CCNI: variants seen among roughly 807,000 people sequenced by gnomAD.
CCNI encodes cyclin I, also known as cyclin-I.
A neutral mutation model predicts 34.1 loss-of-function variants in CCNI; 14 were observed. The observed-to-expected ratio is 0.41, with a 90% confidence interval of 0.27 to 0.64. The LOEUF is 0.64. Ranked by LOEUF, CCNI falls within the 30% of genes least tolerant of loss-of-function variation. CCNI has a pLI of 0.31. For synonymous variants in CCNI, 154 were observed against 158.4 expected, an observed-to-expected ratio of 0.97 and a Z score of 0.21; for missense variants, 385 against 440.5, an observed-to-expected ratio of 0.87 and a Z score of 1.13.
chr4:77,067,844 T>G (rs1465230427), intron 1 of CCNI, among the ~76,000 whole-genome samples: 2 of 147,314 alleles, frequency 1.4e-5, no homozygotes, highest in Non-Finnish European at 3.0e-5. Flanking sequence ...ACTTGAGGTT[T>G]GACTGTGTGT....
At chr4:77,055,099 C>T (rs761592858) in intron 6 of CCNI, 51 bp downstream of exon 6, 2 of 1,233,338 alleles carry the variant, frequency 1.6e-6, no homozygotes, top group Non-Finnish European at 1.2e-6. Flanking sequence ...CTATGTATTC[C>T]AATAATAGAA....
chr4:77,074,122 A>T (rs1729711649), intron 1 of CCNI, among the ~76,000 whole-genome samples: 1 of 152,222 alleles, frequency 6.6e-6, no homozygotes, highest in Non-Finnish European at 1.5e-5. Flanking sequence ...TCAAAACAAA[A>T]CACGGACACA....
intron 1 of CCNI, among the ~76,000 whole-genome samples, chr4:77,071,630 A>G (rs2109850466): frequency 6.6e-6 from 1 of 152,320 alleles, no homozygotes; most frequent in African/African-American, 2.4e-5. Flanking sequence ...ACGAAAATAC[A>G]GAGGACAAAT....
At chr4:77,054,272 C>T (rs1196737651) in intron 6 of CCNI, among the ~76,000 whole-genome samples, 2 of 152,100 alleles carry the variant, frequency 1.3e-5, no homozygotes, top group Non-Finnish European at 2.9e-5. Flanking sequence ...TTCTTTGCTA[C>T]AATTAGTTTA....
Position 77,048,394 on chromosome 4 carries a change from G to A in CCNI, c.959C>T (p.Ser320Phe). The A allele has an allele frequency of 1.2e-6, 2 of 1,613,894 alleles. No individual in the cohort carries two copies. Among genetic ancestry groups the A allele is most frequent in the African/African-American group, 1.3e-5 (1 of 74,990 alleles). The change falls in exon 7 of 7, where the codon TCT becomes TTT. Residue 320 changes from serine (S) to phenylalanine (F), a missense_variant. This residue lies in a region of CCNI where 250 missense variants were observed against 248.7 expected (regional missense o/e 1.01). Coordinates refer to ENST00000237654, the MANE Select transcript of CCNI (RefSeq NM_006835.3). ...LPAASGCKQT[S>F]TKRKVEEMEV... is the part of the protein sequence containing the mutation. ...CATTTCCTCTACTTTGCGTTTAGTAGAGGTCTGCTTGCACCCACTGGCAGC... is the reference window on the plus strand; with the variant it reads ...CATTTCCTCTACTTTGCGTTTAGTAAAGGTCTGCTTGCACCCACTGGCAGC...
rs4252836 is a variant in CCNI, at chr4:77,064,111, G to A, written c.114+2138C>T. ...ACAAAAATTAGCCAGGTATGGTGGC[G>A]GGTGCCTGTTAATTCCAGCTACTTG... On this transcript the variant is annotated intron_variant, in intron 2 of 6. Transcript: ENST00000237654. 1.8e-3 allele frequency among the ~76,000 whole-genome samples: 268 copies of A among 151,942 alleles called. 1 individual carries two copies. Among genetic ancestry groups the A allele is most frequent in the African/African-American group, 6.1e-3 (254 of 41,464 alleles).
At position 77,053,157 on chromosome 4, in the gene CCNI, T is replaced by G. The variant is rs145099157; in HGVS notation, c.690+1993A>C. ...ACACAAGTATAGCTCCGTTCTTCTA[T>G]TCTATATTCTGGGATTGTGTGTGTA... On this transcript the variant is annotated intron_variant, in intron 6 of 6. Transcript: ENST00000237654. Among the ~76,000 whole-genome samples, 329 of 152,284 alleles carry G rather than the reference T, an allele frequency of 2.2e-3. 2 individuals carry two copies. The highest frequency in any genetic ancestry group is 7.6e-3 in the African/African-American group (315 of 41,556).
At chr4:77,067,726 T>A (rs1239048263) in intron 1 of CCNI, among the ~76,000 whole-genome samples, 1 of 127,988 alleles carries the variant, frequency 7.8e-6, no homozygotes, top group Non-Finnish European at 1.6e-5. Flanking sequence ...CACGCAGTCC[T>A]CCTGGCTTGG....
chr4:77,055,092 T>C, intron 6 of CCNI, 58 bp downstream of exon 6: 3 of 1,102,628 alleles, frequency 2.7e-6, no homozygotes, highest in Non-Finnish European at 4.1e-6. Context: ...GGTAACTCTA[T>C]GTATTCCAAT....
chr4:77,048,962 G>GT (rs538284505), intron 6 of CCNI, among the ~76,000 whole-genome samples: 2,611 of 47,626 alleles, frequency 0.055, 598 homozygotes, highest in East Asian at 0.11. Flanking sequence ...TCCAACGTCT[G>GT]TTTTTTTTTT....
At chr4:77,052,788 GT>G (rs756219358) in intron 6 of CCNI, among the ~76,000 whole-genome samples, 13 of 152,294 alleles carry the variant, frequency 8.5e-5, no homozygotes, top group Non-Finnish European at 5.9e-5. Context: ...TAGACCTGGT[GT>G]TCCCTACCTG....
At position 77,056,299 on chromosome 4, in the gene CCNI, T is replaced by C; in HGVS notation, c.268A>G (p.Ile90Val). ...GCTAGGAAAAAACAGCTGATTGCAA[T>C]ACAACTCAAGTATTTTGGATGAGCC... is the stretch of plus-strand genomic sequence containing the variant. Reference protein sequence around the residue: ...VKAHPKYLSCIAISCFFLAAK... With the variant: ...VKAHPKYLSCVAISCFFLAAK... The change falls in exon 4 of 7, where the codon ATT (isoleucine) becomes GTT (valine). Residue 90 changes from isoleucine to valine, a missense_variant. Around this residue, in one of 2 missense-constraint regions of CCNI, gnomAD observed 135 missense variants for 191.8 expected, o/e 0.70. Transcript: ENST00000237654. 1 of 1,613,442 alleles carries C rather than the reference T, an allele frequency of 6.2e-7. No individual in the cohort carries two copies.
intron 1 of CCNI, among the ~76,000 whole-genome samples, chr4:77,067,172 C>A (rs1417620581): frequency 6.6e-6 from 1 of 151,832 alleles, no homozygotes; most frequent in Non-Finnish European, 1.5e-5. Context: ...GCAGAGGTTG[C>A]AGTGAGCTGA....
intron 3 of CCNI, among the ~76,000 whole-genome samples, chr4:77,057,745 T>C (rs1282512090): frequency 1.3e-5 from 2 of 152,232 alleles, no homozygotes; most frequent in African/African-American, 4.8e-5. Flanking sequence ...AGTTGCTTTA[T>C]GACATCTTGT....
intron 2 of CCNI, among the ~76,000 whole-genome samples, chr4:77,062,270 T>C (rs186161394): frequency 1.6e-3 from 246 of 152,316 alleles, no homozygotes; most frequent in Non-Finnish European, 2.9e-3. Flanking sequence ...ACGTTCAACA[T>C]TTTTTTAAAA....
intron 2 of CCNI, among the ~76,000 whole-genome samples, chr4:77,062,799 T>C (rs1292865891): frequency 6.6e-6 from 1 of 152,224 alleles, no homozygotes; most frequent in East Asian, 1.9e-4. Context: ...TATGTGCCAC[T>C]TTGACCAGTT....
chr4:77,055,062 T>G, intron 6 of CCNI, 88 bp downstream of exon 6: 6 of 812,000 alleles, frequency 7.4e-6, no homozygotes, highest in Non-Finnish European at 2.0e-6. Flanking sequence ...CATTACAACA[T>G]GAGAAATGTC....
chr4:77,074,794 C>G (rs566031763), intron 1 of CCNI: 1 of 152,306 alleles, frequency 6.6e-6, no homozygotes, highest in South Asian at 2.1e-4. Context: ...TCCTACCTCC[C>G]GAAACACCTT....
intron 1 of CCNI, among the ~76,000 whole-genome samples, chr4:77,071,410 C>G (rs1729458832): frequency 6.6e-6 from 1 of 152,024 alleles, no homozygotes; most frequent in African/African-American, 2.4e-5. Flanking sequence ...AAGGATATCT[C>G]AAATCAAGAG....
Sources: allele counts gnomAD v4.1 joint callset (sites outside exome capture counted in the v4.1 genomes callset), GRCh38; gene constraint gnomAD v4.1.1; regional missense constraint gnomAD v4.1.1; transcripts MANE v1.5; gene names NCBI Gene and HGNC (gene_info 2026-07-23, HGNC 2026-07-21).